Variants in NUP93 observed in about 807,000 individuals in gnomAD.
NUP93 encodes nuclear pore complex protein Nup93.
NUP93 carries 55 observed loss-of-function variants against 107.8 expected under a neutral mutation model. That is an observed-to-expected ratio of 0.51 (90% confidence interval 0.41 to 0.64). NUP93 has a LOEUF of 0.64. Among genes scored for constraint, NUP93 ranks in the 30% least tolerant of loss-of-function variants. NUP93 has a pLI of 0.00. For missense variants in NUP93, 937 were observed against 1,044.7 expected (o/e 0.90, Z 1.42); for synonymous variants, 390 against 397.5 (o/e 0.98, Z 0.22).
chr16:56,833,256 T>G lies in NUP93; in HGVS notation c.1387T>G (p.Phe463Val). The G allele has an allele frequency of 1.2e-6, 2 of 1,606,404 alleles. No individual in the cohort carries two copies. Among genetic ancestry groups the G allele is most frequent in the Non-Finnish European group, 1.7e-6 (2 of 1,177,562 alleles). ...GGTGAACCAGCAACCCTTCCTCTAC[T>G]TCCAAGTCCTGTTCCTGACAGCGCA... Reference protein sequence around the residue: ...FTVNQQPFLYFQVLFLTAQFE... With the variant: ...FTVNQQPFLYVQVLFLTAQFE... The change falls in exon 13 of 22, where the codon TTC becomes GTC. Residue 463 changes from phenylalanine (F) to valine (V), a missense_variant. Phe to Val is a conservative substitution (Grantham distance 50). Coordinates refer to ENST00000308159, the MANE Select transcript of NUP93 (RefSeq NM_014669.5).
chr16:56,817,479 G>A (rs1963456819), intron 5 of NUP93, among the ~76,000 whole-genome samples: 1 of 152,142 alleles, frequency 6.6e-6, no homozygotes. Flanking sequence ...TTAGATTTTA[G>A]TGTATGGAAC....
At position 56,845,853 on chromosome 16, in the gene NUP93, A is replaced by G. The variant is rs1482818959; in HGVS notation, c.*1244A>G. 1.3e-5 allele frequency: 2 copies of G among 152,202 alleles called. No homozygotes were observed. Among genetic ancestry groups the G allele is most frequent in the Admixed American group, 1.3e-4 (2 of 15,282 alleles). 9.4% of individuals were successfully genotyped at this position (152,202 alleles called of 1,614,324 possible). A position where few individuals can be genotyped will look rare whatever the true frequency, so the allele number is the denominator to read the frequency against. On this transcript the variant is annotated 3_prime_UTR_variant, in exon 22 of 22. Transcript: ENST00000308159. Reference sequence around the variant, plus strand: ...ATAATTGTTACCTTTTCTTTTGGGAAGAAATAATCTGTAGATAATGGAACC... The same window carrying G: ...ATAATTGTTACCTTTTCTTTTGGGAGGAAATAATCTGTAGATAATGGAACC...
At chr16:56,805,735 C>T (rs1377856623) in intron 5 of NUP93, 103 bp downstream of exon 5, 2 of 1,254,326 alleles carry the variant, frequency 1.6e-6, no homozygotes, top group East Asian at 5.2e-5. Flanking sequence ...CACTGTCTTC[C>T]CCTTGAAACA....
At chr16:56,789,709 C>T (rs1209815399) in intron 3 of NUP93, among the ~76,000 whole-genome samples, 2 of 152,254 alleles carry the variant, frequency 1.3e-5, no homozygotes, top group Non-Finnish European at 2.9e-5. Context: ...CGAATATCAG[C>T]TCTGCCCGCT....
At chr16:56,839,626 T>C in intron 20 of NUP93, 22 bp downstream of exon 20, 1 of 1,582,172 alleles carries the variant, frequency 6.3e-7, no homozygotes, top group East Asian at 2.2e-5. Context: ...CTTCCTGAGT[T>C]GTGGAATTCC....
chr16:56,844,888 T>A lies in NUP93; in HGVS notation c.*279T>A, dbSNP rs1964097214. The stretch of plus-strand genomic sequence containing the variant: ...GCCAGGGAATGAGAGGCTATGTAGA[T>A]ATTCATTATTTGGTTAAATTGACCT... On this transcript the variant is annotated 3_prime_UTR_variant, in exon 22 of 22. Coordinates refer to ENST00000308159, the MANE Select transcript of NUP93 (RefSeq NM_014669.5). 3 of 395,120 alleles carry A rather than the reference T, an allele frequency of 7.6e-6. No individual in the cohort carries two copies. The East Asian group carries it at 1.1e-4, about 14-fold the overall frequency. The allele number at this position is 395,120 out of a possible 1,614,324, so 24.5% of individuals were successfully genotyped here.
intron 7 of NUP93, among the ~76,000 whole-genome samples, chr16:56,822,038 T>C (rs1171311760): frequency 6.7e-6 from 1 of 148,716 alleles, no homozygotes; most frequent in Non-Finnish European, 1.5e-5. Context: ...ACACATATAC[T>C]GCCTTTATTT....
intron 2 of NUP93, among the ~76,000 whole-genome samples, chr16:56,753,711 A>G (rs754115011): frequency 1.3e-5 from 2 of 152,236 alleles, no homozygotes; most frequent in Non-Finnish European, 2.9e-5. Context: ...AACAAAGATT[A>G]TAAGAAAAAA....
Position 56,808,490 on chromosome 16 carries a change from G to GTTATA in NUP93, c.489+2859_489+2860insTATAT, listed in dbSNP as rs1567398764. Among the ~76,000 whole-genome samples, 18 of 99,304 alleles carry GTTATA rather than the reference G, an allele frequency of 1.8e-4. 1 individual carries two copies. The highest frequency in any genetic ancestry group is 3.2e-4 in the South Asian group (1 of 3,174). 65.1% of individuals were successfully genotyped at this position (99,304 alleles called of 152,430 possible). A position where few individuals can be genotyped will look rare whatever the true frequency, so the allele number is the denominator to read the frequency against. On this transcript the variant is annotated intron_variant, in intron 5 of 21. Coordinates refer to ENST00000308159, the MANE Select transcript of NUP93 (RefSeq NM_014669.5). ...ATGTAACTATAAAATATATAGTTAT[G>GTTATA]TAACTATATAAATATATAGTTATGT...
chr16:56,736,022 C>T (rs914540156), intron 1 of NUP93, among the ~76,000 whole-genome samples: 1 of 152,044 alleles, frequency 6.6e-6, no homozygotes, highest in Non-Finnish European at 1.5e-5. Context: ...AATATAAATA[C>T]CCCATGCTAT....
intron 5 of NUP93, 112 bp downstream of exon 5, chr16:56,805,744 C>G (rs1596819313): frequency 8.6e-7 from 1 of 1,157,894 alleles, no homozygotes; most frequent in East Asian, 2.6e-5. Context: ...CCCCTTGAAA[C>G]ACTTTCTTCA....
chr16:56,813,018 T>C (rs1466867057), intron 5 of NUP93, among the ~76,000 whole-genome samples: 1 of 152,038 alleles, frequency 6.6e-6, no homozygotes, highest in Non-Finnish European at 1.5e-5. Flanking sequence ...AGTGGCTGCT[T>C]TGTGGTATTA....
At chr16:56,808,137 T>TTTATATAACATATATAATATATAG (rs1963191088) in intron 5 of NUP93, among the ~76,000 whole-genome samples, 3 of 54,672 alleles carry the variant, frequency 5.5e-5, no homozygotes, top group Non-Finnish European at 7.6e-5. Flanking sequence ...TATAAATATA[T>TTTATATAACATATATAATATATAG]TTATATAACT....
chr16:56,843,268 C>A (rs564020593), intron 21 of NUP93, among the ~76,000 whole-genome samples: 1 of 152,144 alleles, frequency 6.6e-6, no homozygotes, highest in East Asian at 1.9e-4. Flanking sequence ...AAACCCAGGG[C>A]AGTGATGTTT....
intron 3 of NUP93, among the ~76,000 whole-genome samples, chr16:56,777,486 A>G (rs1962436064): frequency 6.6e-6 from 1 of 152,198 alleles, no homozygotes; most frequent in Non-Finnish European, 1.5e-5. Context: ...GTGCTAAATA[A>G]GGCTGTGCAG....
rs1484109684 is a variant in NUP93, at chr16:56,813,890, TGGTCACACAATCTTAGTAGGGTTAATAA to T, written c.490-4764_490-4737del. 3.9e-5 allele frequency among the ~76,000 whole-genome samples: 6 copies of T among 152,204 alleles called. No homozygotes were observed. The East Asian group carries it at 1.2e-3, about 29-fold the overall frequency. ...CCAAGTATTCCTCTCATTTTGTCCATGGTCACACAATCTTAGTAGGGTTAATAAGGTCACACAGTTAATAGCTGGGTTG... is the reference window on the plus strand; with the variant it reads ...CCAAGTATTCCTCTCATTTTGTCCATGGTCACACAGTTAATAGCTGGGTTG... On this transcript the variant is annotated intron_variant, in intron 5 of 21. Transcript: ENST00000308159.
At chr16:56,790,974 T>C (rs369059414) in intron 3 of NUP93, among the ~76,000 whole-genome samples, 1 of 152,342 alleles carries the variant, frequency 6.6e-6, no homozygotes, top group Admixed American at 6.5e-5. Flanking sequence ...ATGCCACTGC[T>C]CATTTTGTGT....
chr16:56,832,431 T>A, intron 12 of NUP93, 43 bp downstream of exon 12: 1 of 1,473,694 alleles, frequency 6.8e-7, no homozygotes, highest in Non-Finnish European at 9.5e-7. Context: ...TCTTGTCCAC[T>A]TAAGGTGACT....
intron 4 of NUP93, among the ~76,000 whole-genome samples, 183 bp downstream of exon 4, chr16:56,798,721 T>A (rs1175812720): frequency 6.6e-6 from 1 of 151,830 alleles, no homozygotes; most frequent in African/African-American, 2.4e-5. Context: ...TGCAAAAAAT[T>A]AGCTAAGCAT....
Sources: gnomAD v4.1 joint callset for allele counts (sites outside exome capture counted in the v4.1 genomes callset) on GRCh38, gnomAD v4.1.1 for gene constraint, MANE v1.5 for transcripts, NCBI Gene and HGNC (gene_info 2026-07-23, HGNC 2026-07-21) for gene names.